Variants in ANK2 observed in about 807,000 individuals in gnomAD.
The protein encoded by ANK2 is ankyrin 2.
ANK2 carries 83 observed loss-of-function variants against 360.5 expected under a neutral mutation model. The observed-to-expected ratio is 0.23, with a 90% CI of 0.19 to 0.28. ANK2 has a LOEUF of 0.28. Ranked by LOEUF, ANK2 falls within the 10% of genes least tolerant of loss-of-function variation. ANK2 has a pLI of 1.00. For synonymous variants in ANK2, 1,740 were observed against 1,759.5 expected (o/e 0.99, Z 0.28); for missense variants, 4,201 against 4,795.7 (o/e 0.88, Z 3.66).
chr4:113,207,473 C>T (rs1447043915), intron 4 of ANK2, among the ~76,000 whole-genome samples: 4 of 151,900 alleles, frequency 2.6e-5, no homozygotes, highest in African/African-American at 9.7e-5. Flanking sequence ...AAATAGACTT[C>T]AAATTTTACA....
intron 2 of ANK2, among the ~76,000 whole-genome samples, chr4:112,920,751 T>C (rs1020254601): frequency 2.0e-5 from 3 of 152,212 alleles, no homozygotes; most frequent in African/African-American, 7.2e-5. Flanking sequence ...TCAAGGATGC[T>C]CTGTTCTATT....
chr4:113,222,949 A>G (rs1270025686), intron 4 of ANK2, among the ~76,000 whole-genome samples: 1 of 152,222 alleles, frequency 6.6e-6, no homozygotes, highest in African/African-American at 2.4e-5. Flanking sequence ...TTAATACTAA[A>G]CAAGTATATA....
chr4:113,076,957 G>T (rs1283731127), intron 1 of ANK2, among the ~76,000 whole-genome samples: 1 of 151,670 alleles, frequency 6.6e-6, no homozygotes, highest in Non-Finnish European at 1.5e-5. Flanking sequence ...GGTTGGTGCT[G>T]GATGTTTTCT....
At chr4:112,724,117 T>C in the ANK2 span, among the ~76,000 whole-genome samples, 1 of 149,194 alleles carries the variant, frequency 6.7e-6, no homozygotes, top group Non-Finnish European at 1.5e-5. Context: ...CAGGCTGGAG[T>C]GCAGTGGTGC....
chr4:113,380,329 A>C (rs540089840), intron 45 of ANK2, among the ~76,000 whole-genome samples: 1 of 152,312 alleles, frequency 6.6e-6, no homozygotes, highest in Admixed American at 6.5e-5. Context: ...TTACAGGAAA[A>C]TATTAGTATG....
At chr4:112,961,677 C>T (rs1033621411) in intron 2 of ANK2, among the ~76,000 whole-genome samples, 1 of 152,050 alleles carries the variant, frequency 6.6e-6, no homozygotes, top group Non-Finnish European at 1.5e-5. Context: ...GCTGTTGGAC[C>T]ATGTGTCAAT....
intron 1 of ANK2, among the ~76,000 whole-genome samples, chr4:112,845,046 C>T (rs1213254483): frequency 6.6e-6 from 1 of 152,080 alleles, no homozygotes. Flanking sequence ...ACTGTGACGA[C>T]GTAACTTAAA....
At chr4:112,911,168 C>T (rs1235262594) in intron 2 of ANK2, among the ~76,000 whole-genome samples, 1 of 137,080 alleles carries the variant, frequency 7.3e-6, no homozygotes, top group Non-Finnish European at 1.5e-5. Flanking sequence ...CGGGGTTTCA[C>T]CATGTTGGCC....
intron 1 of ANK2, among the ~76,000 whole-genome samples, chr4:112,896,845 T>TGAGC (rs1287070884): frequency 2.0e-5 from 3 of 152,190 alleles, no homozygotes; most frequent in Middle Eastern, 3.2e-3. Flanking sequence ...CTCCTTCCAG[T>TGAGC]GAGCCACCAC....
At chr4:112,817,131 T>C (rs964632288), upstream of ANK2, among the ~76,000 whole-genome samples, 1 of 152,246 alleles carries the variant, frequency 6.6e-6, no homozygotes, top group Non-Finnish European at 1.5e-5. Flanking sequence ...TAAAGTCTTA[T>C]TGATTTTGAT....
the ANK2 span, among the ~76,000 whole-genome samples, chr4:112,770,254 C>G: frequency 6.6e-6 from 1 of 152,212 alleles, no homozygotes; most frequent in East Asian, 1.9e-4. Context: ...TCAGGCAGCC[C>G]TGACCCACAA....
At chr4:112,794,118 A>C in the ANK2 span, among the ~76,000 whole-genome samples, 1 of 152,236 alleles carries the variant, frequency 6.6e-6, no homozygotes. Context: ...GACATTTTAC[A>C]ATGCAAACAC....
intron 1 of ANK2, among the ~76,000 whole-genome samples, chr4:112,897,010 C>T (rs1023551704): frequency 6.6e-6 from 1 of 152,194 alleles, no homozygotes; most frequent in East Asian, 1.9e-4. Context: ...CTTCCATTTT[C>T]CTTGTCCGGC....
chr4:113,037,272 C>T (rs568421709), intron 2 of ANK2, among the ~76,000 whole-genome samples: 1 of 152,002 alleles, frequency 6.6e-6, no homozygotes, highest in African/African-American at 2.4e-5. Flanking sequence ...AATCAATGGA[C>T]ATAACTAAAT....
chr4:113,002,810 C>G (rs2154287693), intron 2 of ANK2, among the ~76,000 whole-genome samples: 1 of 152,338 alleles, frequency 6.6e-6, no homozygotes, highest in South Asian at 2.1e-4. Context: ...TCTTTTCAGT[C>G]TCATCTCCTC....
At chr4:113,188,915 C>T (rs1180927431) in intron 2 of ANK2, among the ~76,000 whole-genome samples, 1 of 152,146 alleles carries the variant, frequency 6.6e-6, no homozygotes, top group African/African-American at 2.4e-5. Context: ...GTGAATTAAG[C>T]AAACTCCTAT....
intron 4 of ANK2, among the ~76,000 whole-genome samples, chr4:113,224,153 C>G (rs1352450849): frequency 6.6e-6 from 1 of 152,210 alleles, no homozygotes; most frequent in Admixed American, 6.5e-5. Flanking sequence ...GCTTTAGAAG[C>G]AAACTACTCA....
intron 1 of ANK2, chr4:112,826,795 T>C (rs2058501549): frequency 1.9e-6 from 2 of 1,069,768 alleles, no homozygotes; most frequent in Admixed American, 2.1e-5. Context: ...ATTCTGTTGC[T>C]TCAAGCATCT....
At chr4:112,991,161 T>G (rs149863589) in intron 2 of ANK2, among the ~76,000 whole-genome samples, 9,562 of 150,448 alleles carry the variant, frequency 0.064, 561 homozygotes, top group African/African-American at 0.15. Flanking sequence ...TGAGGCAGAA[T>G]TGCTTGAACC....
Sources: allele counts gnomAD v4.1 joint callset (sites outside exome capture counted in the v4.1 genomes callset), GRCh38; gene constraint gnomAD v4.1.1; transcripts MANE v1.5; gene names NCBI Gene and HGNC (gene_info 2026-07-23, HGNC 2026-07-21).